CERS6: variants seen among roughly 807,000 people sequenced by gnomAD.
CERS6 encodes LAG1 homolog, ceramide synthase 6.
Under a neutral mutation model 56.8 loss-of-function variants are expected in CERS6, and 26 were observed. The ratio of observed to expected loss-of-function variants is 0.46; its 90% CI spans 0.34 to 0.63. CERS6 has a LOEUF of 0.63. Among genes scored for constraint, CERS6 ranks in the 30% least tolerant of loss-of-function variants. The pLI is 0.01. For missense variants in CERS6, 415 were observed against 467.5 expected (o/e 0.89, Z 1.04); for synonymous variants, 164 against 173.3 (o/e 0.95, Z 0.42).
At chr2:168,478,723 T>C (rs937285269) in intron 1 of CERS6, among the ~76,000 whole-genome samples, 1 of 152,226 alleles carries the variant, frequency 6.6e-6, no homozygotes, top group Non-Finnish European at 1.5e-5. Context: ...AGGCTTCAGC[T>C]ATCTCCACTT....
At chr2:168,474,443 C>T (rs1409197124) in intron 1 of CERS6, among the ~76,000 whole-genome samples, 1 of 152,206 alleles carries the variant, frequency 6.6e-6, no homozygotes, top group Non-Finnish European at 1.5e-5. Flanking sequence ...TACCAATTGA[C>T]ATCCCTACCA....
intron 3 of CERS6, among the ~76,000 whole-genome samples, chr2:168,605,972 A>G (rs2084973): frequency 0.78 from 118,122 of 152,196 alleles, 49,879 homozygotes; most frequent in Non-Finnish European, 0.93. Flanking sequence ...CAGAGTCCCC[A>G]CTGGGGCACT....
chr2:168,476,257 C>T (rs1290146012), intron 1 of CERS6, among the ~76,000 whole-genome samples: 20 of 148,354 alleles, frequency 1.3e-4, no homozygotes, highest in Admixed American at 1.3e-3. Context: ...CTGTGTAATT[C>T]TTTGAGAAGG....
chr2:168,653,753 G>A (rs540485086), intron 4 of CERS6, among the ~76,000 whole-genome samples: 12 of 152,310 alleles, frequency 7.9e-5, no homozygotes, highest in Admixed American at 3.9e-4. Flanking sequence ...AACTGTGACA[G>A]TAAAATTCTG....
chr2:168,749,267 C>T (rs1304418136), intron 8 of CERS6, among the ~76,000 whole-genome samples: 3 of 150,422 alleles, frequency 2.0e-5, no homozygotes. Context: ...TAAGTTGACC[C>T]CTCTTCGCTA....
intron 8 of CERS6, among the ~76,000 whole-genome samples, chr2:168,732,702 A>G (rs1428906693): frequency 6.6e-6 from 1 of 152,214 alleles, no homozygotes; most frequent in African/African-American, 2.4e-5. Flanking sequence ...CATACCAGAC[A>G]TAACTGACTT....
At chr2:168,692,155 G>C (rs1686521601) in intron 5 of CERS6, among the ~76,000 whole-genome samples, 1 of 152,142 alleles carries the variant, frequency 6.6e-6, no homozygotes, top group African/African-American at 2.4e-5. Context: ...ATAGAACATG[G>C]CAAGAGAGCT....
chr2:168,490,770 G>A (rs1230350148), intron 1 of CERS6, among the ~76,000 whole-genome samples: 2 of 152,074 alleles, frequency 1.3e-5, no homozygotes, highest in African/African-American at 4.8e-5. Flanking sequence ...AGGAACTGGG[G>A]CTCCCTGCTT....
chr2:168,747,838 AAC>A (rs35177635), intron 8 of CERS6, among the ~76,000 whole-genome samples: 4 of 149,916 alleles, frequency 2.7e-5, no homozygotes, highest in African/African-American at 4.9e-5. Context: ...CTCACACATA[AAC>A]ACACACACAC....
chr2:168,543,487 T>C (rs1185226669), intron 1 of CERS6, among the ~76,000 whole-genome samples: 1 of 104,468 alleles, frequency 9.6e-6, no homozygotes, highest in East Asian at 2.6e-4. Context: ...TCCAGTTTTT[T>C]ACATGGTCTA....
chr2:168,750,065 C>T (rs1211863458), intron 8 of CERS6, among the ~76,000 whole-genome samples: 1 of 152,216 alleles, frequency 6.6e-6, no homozygotes, highest in East Asian at 1.9e-4. Flanking sequence ...TTGGCAATGG[C>T]AATGGCGAAC....
chr2:168,648,394 T>G (rs1685257107), intron 4 of CERS6, among the ~76,000 whole-genome samples: 1 of 152,130 alleles, frequency 6.6e-6, no homozygotes, highest in Non-Finnish European at 1.5e-5. Context: ...TAATTGTGTT[T>G]ATTTGGATCT....
At chr2:168,517,400 G>A (rs982311294) in intron 1 of CERS6, among the ~76,000 whole-genome samples, 2 of 151,904 alleles carry the variant, frequency 1.3e-5, no homozygotes, top group African/African-American at 2.4e-5. Context: ...GCTGAGGCAG[G>A]AGAATTGCTT....
At chr2:168,540,539 A>G (rs550397129) in intron 1 of CERS6, among the ~76,000 whole-genome samples, 3 of 152,292 alleles carry the variant, frequency 2.0e-5, no homozygotes, top group African/African-American at 7.2e-5. Context: ...AGGCAATACC[A>G]TATATCTTAG....
At position 168,721,558 on chromosome 2, in the gene CERS6, TTTTTTTTGTTTAAAA is replaced by T. The variant is rs1356596823; in HGVS notation, c.845+3581_845+3595del. Among the ~76,000 whole-genome samples the T allele has an allele frequency of 7.6e-5, 7 of 91,620 alleles. No homozygotes were observed. The Middle Eastern group carries it at 0.015, about 196-fold the overall frequency. 60.1% of individuals were successfully genotyped at this position (91,620 alleles called of 152,430 possible). On this transcript the variant is annotated intron_variant, in intron 8 of 9. Transcript: ENST00000305747. ...TTTTCTTTAGTTTTTGTTTTTGTTT[TTTTTTTTGTTTAAAA>T]AAAACCAAAAAACAAAAACTAAAGA...
intron 3 of CERS6, among the ~76,000 whole-genome samples, chr2:168,600,321 C>T (rs937138482): frequency 1.3e-5 from 2 of 151,974 alleles, no homozygotes; most frequent in Non-Finnish European, 2.9e-5. Context: ...TCTCCAGCCA[C>T]AGCCTCCTGA....
chr2:168,737,544 T>C (rs1683754934), intron 8 of CERS6, among the ~76,000 whole-genome samples: 1 of 152,230 alleles, frequency 6.6e-6, no homozygotes, highest in African/African-American at 2.4e-5. Context: ...TGATACACAT[T>C]TGAAATCCTG....
rs1693670530 is a variant in CERS6 at position 168,456,764 on chromosome 2, C to G, written c.170+146C>G. On this transcript the variant is annotated intron_variant, in intron 1 of 9. Coordinates refer to ENST00000305747, the MANE Select transcript of CERS6 (RefSeq NM_203463.3). This position sits in a 1 kb window ranked among gnomAD's most constrained non-coding sequence, Gnocchi z 4.1. ...TTGTGTTCGGGGAGGGGTTGCTGACCCCCCTGCCCCGCTGGCTTTCTGGGA... is the reference window on the plus strand; with the variant it reads ...TTGTGTTCGGGGAGGGGTTGCTGACGCCCCTGCCCCGCTGGCTTTCTGGGA... 1 of 721,856 alleles carries G rather than the reference C, an allele frequency of 1.4e-6. No individual in the cohort carries two copies. The highest frequency in any genetic ancestry group is 2.2e-6 in the Non-Finnish European group (1 of 446,678). 44.7% of individuals were successfully genotyped at this position (721,856 alleles called of 1,614,324 possible).
chr2:168,769,187 C>T (rs1018940911), intron 9 of CERS6, among the ~76,000 whole-genome samples: 12 of 152,178 alleles, frequency 7.9e-5, no homozygotes, highest in Admixed American at 1.3e-4. Context: ...ATTCCTATGA[C>T]GCCATTCCAG....
Sources: gnomAD v4.1 joint callset for allele counts (sites outside exome capture counted in the v4.1 genomes callset) on GRCh38, gnomAD v4.1.1 for gene constraint, Gnocchi (gnomAD v3.1) non-coding constraint, MANE v1.5 for transcripts, NCBI Gene and HGNC (gene_info 2026-07-23, HGNC 2026-07-21) for gene names.